GTSE1: variants seen among roughly 807,000 people sequenced by gnomAD.
GTSE1 encodes the protein G2 and S-phase expressed 1.
Under a neutral mutation model 60.5 loss-of-function variants are expected in GTSE1, and 52 were observed. The ratio of observed to expected loss-of-function variants is 0.86; its 90% confidence interval spans 0.69 to 1.08. GTSE1 has a LOEUF of 1.08. GTSE1 is among the 50% of genes least tolerant of loss of function. The probability of loss-of-function intolerance (pLI) is 0.00; values close to 1 mark genes in which losing one functional copy is unlikely to be tolerated. For missense variants in GTSE1, 937 were observed against 961.8 expected, an observed-to-expected ratio of 0.97 and a Z score of 0.34; for synonymous variants, 368 against 386.5, an observed-to-expected ratio of 0.95 and a Z score of 0.56.
rs1458353139 is a variant in GTSE1 at position 46,319,478 on chromosome 22, C to A, written c.1432+3066C>A. 6.6e-6 allele frequency among the ~76,000 whole-genome samples: 1 copy of A among 152,108 alleles called. No individual in the cohort carries two copies. The highest frequency in any genetic ancestry group is 1.5e-5 in the Non-Finnish European group (1 of 68,022). On this transcript the variant is annotated intron_variant, in intron 7 of 11. Transcript: ENST00000454366. This position sits in a 1 kb window ranked among gnomAD's most constrained non-coding sequence, Gnocchi z 5.0. ...AGTGCAGAGAGGGACTCGAGTGTCC[C>A]TGAGGTTCTGGCGGAACCTGGGTGC... is the stretch of plus-strand genomic sequence containing the variant.
chr22:46,313,888 A>T lies in GTSE1; in HGVS notation c.928-2A>T. 6.2e-7 allele frequency: 1 copy of T among 1,614,096 alleles called. No individual in the cohort carries two copies. Among genetic ancestry groups the T allele is most frequent in the Non-Finnish European group, 8.5e-7 (1 of 1,179,934 alleles). On this transcript the variant is annotated splice_acceptor_variant, in intron 5 of 11. Transcript: ENST00000454366. LOFTEE classifies it high-confidence loss of function. The surrounding 1 kb of genome is among the most constrained non-coding windows in gnomAD (Gnocchi z 4.4). ...ATTCTGTTTTTTCACATTTTGCCCC[A>T]GTTGGGGCTGAAGAAGACCCTGTTA...
rs2077864241 is a variant in GTSE1 at position 46,329,526 on chromosome 22, A to G, written c.2095A>G (p.Met699Val). ...CGACCTCATGACAAACACTCCAGAC[A>G]TGAATAAAAATGTGGCCAAACCTTC... is the stretch of plus-strand genomic sequence containing the variant. ...LIDLMTNTPD[M>V]NKNVAKPSPV... The change falls in exon 11 of 12, where the codon ATG becomes GTG. Residue 699 changes from methionine to valine, a missense_variant. By Grantham distance (21) the Met-to-Val change is conservative. Transcript: ENST00000454366. The surrounding 1 kb of genome is among the most constrained non-coding windows in gnomAD (Gnocchi z 6.4). 1.2e-6 allele frequency: 2 copies of G among 1,614,166 alleles called. No homozygotes were observed. The highest frequency in any genetic ancestry group is 2.7e-5 in the African/African-American group (2 of 75,058).
rs1205216865 is a variant in GTSE1, at chr22:46,316,966, GT to G, written c.1432+560del. ...TTCTTTTCTTTCTTTCTTTTTTTTTGTTTTTTGTTTTTTGAGACGGAGTCTC... is the reference window on the plus strand; with the variant it reads ...TTCTTTTCTTTCTTTCTTTTTTTTTGTTTTTGTTTTTTGAGACGGAGTCTC... On this transcript the variant is annotated intron_variant, in intron 7 of 11. Transcript: ENST00000454366. This position sits in a 1 kb window ranked among gnomAD's most constrained non-coding sequence, Gnocchi z 5.0. 7.4e-6 allele frequency among the ~76,000 whole-genome samples: 1 copy of G among 134,408 alleles called. No homozygotes were observed. The highest frequency in any genetic ancestry group is 2.3e-4 in the South Asian group (1 of 4,274). 88.2% of individuals were successfully genotyped at this position (134,408 alleles called of 152,430 possible). A position where few individuals can be genotyped will look rare whatever the true frequency, so the allele number is the denominator to read the frequency against.
chr22:46,326,527 C>T lies in GTSE1; in HGVS notation c.1597C>T (p.Pro533Ser). 6.2e-7 allele frequency: 1 copy of T among 1,614,070 alleles called. No individual in the cohort carries two copies. The highest frequency in any genetic ancestry group is 8.5e-7 in the Non-Finnish European group (1 of 1,179,952). The change falls in exon 9 of 12, where the codon CCC (proline) becomes TCC (serine). Residue 533 changes from proline to serine, a missense_variant. Transcript: ENST00000454366. Reference protein sequence around the residue: ...SAWRVSALPTPASRRCSGLPP... With the variant: ...SAWRVSALPTSASRRCSGLPP... Reference sequence around the variant, plus strand: ...ATGGCGTGTGTCAGCCTTGCCCACACCCGCCAGCCGGCGCTGCTCTGGCCT... The same window carrying T: ...ATGGCGTGTGTCAGCCTTGCCCACATCCGCCAGCCGGCGCTGCTCTGGCCT...
Position 46,313,882 on chromosome 22 carries a change from T to A in GTSE1, c.928-8T>A. ...TTGCTGATTCTGTTTTTTCACATTT[T>A]GCCCCAGTTGGGGCTGAAGAAGACC... On this transcript the variant is annotated splice_polypyrimidine_tract_variant and splice_region_variant and intron_variant, in intron 5 of 11. Transcript: ENST00000454366. This position sits in a 1 kb window ranked among gnomAD's most constrained non-coding sequence, Gnocchi z 4.4. 1 of 1,613,992 alleles carries A rather than the reference T, an allele frequency of 6.2e-7. No individual in the cohort carries two copies. Among genetic ancestry groups the A allele is most frequent in the Non-Finnish European group, 8.5e-7 (1 of 1,179,860 alleles).
chr22:46,313,266 C>G lies in GTSE1; in HGVS notation c.928-624C>G, dbSNP rs8139096. 6.6e-6 allele frequency among the ~76,000 whole-genome samples: 1 copy of G among 151,508 alleles called. No homozygotes were observed. The highest frequency in any genetic ancestry group is 2.4e-5 in the African/African-American group (1 of 41,238). ...TTTGCCACTTATTTTCTGGCATTGG[C>G]GGTAAACCAAGCTGTGTGTACTGGC... On this transcript the variant is annotated intron_variant, in intron 5 of 11. Transcript: ENST00000454366. The surrounding 1 kb of genome is among the most constrained non-coding windows in gnomAD (Gnocchi z 4.4).
At chr22:46,308,235 C>T in intron 3 of GTSE1, 28 bp downstream of exon 3, 1 of 1,608,672 alleles carries the variant, frequency 6.2e-7, no homozygotes, top group Non-Finnish European at 8.5e-7. Context: ...CTTCCCTTGC[C>T]TTGGGCATAA....
chr22:46,299,361 C>T (rs140342084), intron 2 of GTSE1, among the ~76,000 whole-genome samples: 51 of 152,380 alleles, frequency 3.3e-4, no homozygotes, highest in African/African-American at 1.1e-3. Flanking sequence ...CGCAGCCTCT[C>T]CTCCGAGCTC....
Position 46,308,215 on chromosome 22 carries a change from A to G in GTSE1, c.137+8A>G, listed in dbSNP as rs570540171. On this transcript the variant is annotated splice_region_variant and intron_variant, in intron 3 of 11. Coordinates refer to ENST00000454366, the MANE Select transcript of GTSE1 (RefSeq NM_016426.7). The stretch of plus-strand genomic sequence containing the variant: ...TTCATTGTCTTCTTCGAGGTAAACA[A>G]ATGAGTTTTCTTCCCTTGCCTTGGG... The G allele has an allele frequency of 1.9e-6, 3 of 1,612,520 alleles. No homozygotes were observed. Among genetic ancestry groups the G allele is most frequent in the South Asian group, 1.1e-5 (1 of 90,998 alleles).
Position 46,326,579 on chromosome 22 carries a change from C to A in GTSE1, c.1649C>A (p.Pro550His). The change falls in exon 9 of 12, where the codon CCC becomes CAC. Residue 550 changes from proline to histidine, a missense_variant. Pro to His is a moderately conservative substitution (Grantham distance 77, BLOSUM62 -2). Transcript: ENST00000454366. ...GLPPMTPKTM[P>H]RAVGSPLCVP... ...CCACCGATGACCCCCAAAACGATGC[C>A]CAGGGCCGTGGGCTCTCCCCTGTGT... 1 of 1,614,138 alleles carries A rather than the reference C, an allele frequency of 6.2e-7. No homozygotes were observed. Among genetic ancestry groups the A allele is most frequent in the Non-Finnish European group, 8.5e-7 (1 of 1,179,996 alleles).
rs1281118063 is a variant in GTSE1, at chr22:46,329,510, G to A, written c.2079G>A (p.Met693Ile). The A allele has an allele frequency of 8.1e-6, 13 of 1,614,074 alleles. No individual in the cohort carries two copies. The highest frequency in any genetic ancestry group is 9.3e-6 in the Non-Finnish European group (11 of 1,180,052). ...GSESRPLIDL[M>I]TNTPDMNKNV... ...AAAGCAGGCCTCTGATCGACCTCATGACAAACACTCCAGACATGAATAAAA... is the reference window on the plus strand; with the variant it reads ...AAAGCAGGCCTCTGATCGACCTCATAACAAACACTCCAGACATGAATAAAA... The change falls in exon 11 of 12, where the codon ATG (methionine) becomes ATA (isoleucine). Residue 693 changes from methionine to isoleucine, a missense_variant. Met to Ile is a conservative substitution (Grantham distance 10, BLOSUM62 1). Coordinates refer to ENST00000454366, the MANE Select transcript of GTSE1 (RefSeq NM_016426.7). This position sits in a 1 kb window ranked among gnomAD's most constrained non-coding sequence, Gnocchi z 6.4.
At chr22:46,303,978 T>C (rs2147813959) in intron 2 of GTSE1, among the ~76,000 whole-genome samples, 1 of 152,208 alleles carries the variant, frequency 6.6e-6, no homozygotes, top group South Asian at 2.1e-4. Context: ...TCTGCAGACA[T>C]ATAGTTTGAG....
At position 46,329,939 on chromosome 22, in the gene GTSE1, G is replaced by T; in HGVS notation, c.2137-108G>T. 1 of 735,906 alleles carries T rather than the reference G, an allele frequency of 1.4e-6. No homozygotes were observed. The allele number at this position is 735,906 out of a possible 1,614,324, so 45.6% of individuals were successfully genotyped here. The stretch of plus-strand genomic sequence containing the variant: ...GTGCTTTTCAGTGCACCCGAGCCAG[G>T]ATGAGCGAGTGGCTGTGATGACCCA... On this transcript the variant is annotated intron_variant, in intron 11 of 11. Coordinates refer to ENST00000454366, the MANE Select transcript of GTSE1 (RefSeq NM_016426.7). The surrounding 1 kb of genome is among the most constrained non-coding windows in gnomAD (Gnocchi z 6.4).
rs147391974 is a variant in GTSE1, at chr22:46,326,587, G to T, written c.1657G>T (p.Val553Leu). Reference protein sequence around the residue: ...PMTPKTMPRAVGSPLCVPARR... With the variant: ...PMTPKTMPRALGSPLCVPARR... ...GACCCCCAAAACGATGCCCAGGGCC[G>T]TGGGCTCTCCCCTGTGTGTGCCAGC... The change falls in exon 9 of 12, where the codon GTG (valine) becomes TTG (leucine). Residue 553 changes from valine (V) to leucine (L), a missense_variant. Transcript: ENST00000454366. 2.5e-5 allele frequency: 40 copies of T among 1,613,924 alleles called. 1 individual carries two copies. In the South Asian group the frequency reaches 3.3e-4, roughly 13 times the overall value.
Position 46,308,403 on chromosome 22 carries a change from G to C in GTSE1, c.222G>C (p.Pro74=), listed in dbSNP as rs147042849. ...CTGCCAGCTTGGAATTAAATAATCC[G>C]GTTCCCGAACAGCCTCCGTTGCCCA... ...CIAASLELNN[P]VPEQPPLPTS... Residue 74 remains proline (P), a synonymous_variant, in exon 4 of 12, where the codon CCG becomes CCC. Transcript: ENST00000454366. 1.2e-6 allele frequency: 2 copies of C among 1,613,996 alleles called. No homozygotes were observed. The highest frequency in any genetic ancestry group is 2.7e-5 in the African/African-American group (2 of 74,902).
intron 6 of GTSE1, among the ~76,000 whole-genome samples, chr22:46,315,257 C>T (rs2077772144): frequency 6.6e-6 from 1 of 152,182 alleles, no homozygotes; most frequent in African/African-American, 2.4e-5. Context: ...CGGGGTTTCA[C>T]CATGTTGGCT....
chr22:46,308,893 C>T lies in GTSE1; in HGVS notation c.712C>T (p.Pro238Ser), dbSNP rs1306619820. ...GAAGCCCGGGACCAAATTGCTGCTG[C>T]CTCGAGCGGCCTCTGTTAGAGGAAG... ...QRKPGTKLLL[P>S]RAASVRGRSI... The change falls in exon 4 of 12, where the codon CCT becomes TCT. Residue 238 changes from proline (P) to serine (S), a missense_variant. By Grantham distance (74) the Pro-to-Ser change is moderately conservative. Transcript: ENST00000454366. 1.9e-6 allele frequency: 3 copies of T among 1,613,132 alleles called. No homozygotes were observed. In the East Asian group the frequency reaches 6.7e-5, roughly 36 times the overall value.
chr22:46,319,730 A>C lies in GTSE1; in HGVS notation c.1432+3318A>C, dbSNP rs933522989. Among the ~76,000 whole-genome samples the C allele has an allele frequency of 9.2e-5, 14 of 152,136 alleles. No homozygotes were observed. Among genetic ancestry groups the C allele is most frequent in the African/African-American group, 3.4e-4 (14 of 41,442 alleles). ...GCTGGGCACGGTGGCTAACTCCTGT[A>C]ATCCTAGCACTTTGGGAGGCCGAGG... On this transcript the variant is annotated intron_variant, in intron 7 of 11. Transcript: ENST00000454366. The surrounding 1 kb of genome is among the most constrained non-coding windows in gnomAD (Gnocchi z 5.0).
In GTSE1 at chr22:46,308,378, C is replaced by T. The variant is rs368641268; in HGVS notation, c.197C>T (p.Ala66Val). 107 of 1,613,944 alleles carry T rather than the reference C, an allele frequency of 6.6e-5. No homozygotes were observed. The highest frequency in any genetic ancestry group is 8.8e-5 in the Non-Finnish European group (104 of 1,179,898). Reference sequence around the variant, plus strand: ...TTTGGACATAAAGAAAGATGTATTGCTGCCAGCTTGGAATTAAATAATCCG... The same window carrying T: ...TTTGGACATAAAGAAAGATGTATTGTTGCCAGCTTGGAATTAAATAATCCG... ...GPFGHKERCI[A>V]ASLELNNPVP... is the part of the protein sequence containing the mutation. The change falls in exon 4 of 12, where the codon GCT becomes GTT. Residue 66 changes from alanine (A) to valine (V), a missense_variant. Physicochemically the swap from Ala to Val is moderately conservative, Grantham distance 64. Transcript: ENST00000454366.
Sources: allele counts gnomAD v4.1 joint callset (sites outside exome capture counted in the v4.1 genomes callset), GRCh38; gene constraint gnomAD v4.1.1; non-coding constraint Gnocchi (gnomAD v3.1); transcripts MANE v1.5; gene names NCBI Gene and HGNC (gene_info 2026-07-23, HGNC 2026-07-21).